Variants in TLR5 observed in about 807,000 individuals in gnomAD.
TLR5 encodes toll-like receptor 5.
For synonymous variants in TLR5, 373 were observed against 384.4 expected (o/e 0.97, Z 0.35); for missense variants, 944 against 999.8 (o/e 0.94, Z 0.75).
At chr1:223,137,991 C>CTGTA (rs1657682702) in intron 2 of TLR5, among the ~76,000 whole-genome samples, 1 of 105,776 alleles carries the variant, frequency 9.5e-6, no homozygotes, top group African/African-American at 3.9e-5. Context: ...CCAGGTCTCA[C>CTGTA]TGTATCACCC....
chr1:223,137,713 T>C (rs2102939629), intron 2 of TLR5, among the ~76,000 whole-genome samples: 1 of 152,266 alleles, frequency 6.6e-6, no homozygotes, highest in East Asian at 1.9e-4. Flanking sequence ...ACAATATGAA[T>C]ATTTATCCAT....
At chr1:223,125,239 A>G (rs927550500) in intron 5 of TLR5, among the ~76,000 whole-genome samples, 42 of 152,212 alleles carry the variant, frequency 2.8e-4, no homozygotes, top group African/African-American at 9.7e-4. Context: ...CAAAACAAGC[A>G]TTATAGCAGC....
In TLR5 at chr1:223,110,828, A is replaced by G; in HGVS notation, c.2204T>C (p.Val735Ala). 5.0e-6 allele frequency: 8 copies of G among 1,614,234 alleles called. No individual in the cohort carries two copies. The highest frequency in any genetic ancestry group is 6.8e-6 in the Non-Finnish European group (8 of 1,180,036). The change falls in exon 6 of 6, where the codon GTC (valine) becomes GCC (alanine). Residue 735 changes from valine (V) to alanine (A), a missense_variant. Physicochemically the swap from Val to Ala is moderately conservative, Grantham distance 64 (BLOSUM62 0). Coordinates refer to ENST00000642603, the MANE Select transcript of TLR5 (RefSeq NM_003268.6). ...FNLCFEERDFVPGENRIANIQ... is the reference protein window; with the variant it reads ...FNLCFEERDFAPGENRIANIQ... ...ATTGGCAATGCGGTTTTCTCCTGGGACAAAGTCTCTTTCTTCAAAGCACAG... is the reference window on the plus strand; with the variant it reads ...ATTGGCAATGCGGTTTTCTCCTGGGGCAAAGTCTCTTTCTTCAAAGCACAG...
chr1:223,142,373 G>A (rs192265778), intron 1 of TLR5, among the ~76,000 whole-genome samples: 12 of 152,300 alleles, frequency 7.9e-5, no homozygotes, highest in African/African-American at 2.9e-4. Flanking sequence ...AGTTCACGGT[G>A]CTGGACGGAT....
chr1:223,142,335 G>A (rs1484314027), intron 1 of TLR5, among the ~76,000 whole-genome samples: 1 of 152,190 alleles, frequency 6.6e-6, no homozygotes, highest in African/African-American at 2.4e-5. Context: ...AGTATCTGAA[G>A]GACACTAGGG....
At chr1:223,142,237 C>G (rs968471609) in intron 1 of TLR5, among the ~76,000 whole-genome samples, 4 of 152,204 alleles carry the variant, frequency 2.6e-5, no homozygotes, top group African/African-American at 9.7e-5. Flanking sequence ...ACCAATGCCT[C>G]TTCCAGGCAC....
chr1:223,110,943 A>G lies in TLR5; in HGVS notation c.2089T>C (p.Leu697=). 6.2e-7 allele frequency: 1 copy of G among 1,614,268 alleles called. No homozygotes were observed. The highest frequency in any genetic ancestry group is 8.5e-7 in the Non-Finnish European group (1 of 1,180,046). ...EPDMYKYDAY[L]CFSSKDFTWV... The stretch of plus-strand genomic sequence containing the variant: ...GTGAAGTCTTTGCTGCTGAAGCACA[A>G]ATAGGCATCATATTTGTACATATCA... Residue 697 remains leucine, a synonymous_variant, in exon 6 of 6, where the codon TTG becomes CTG. Coordinates refer to ENST00000642603, the MANE Select transcript of TLR5 (RefSeq NM_003268.6).
rs745394570 is a variant in TLR5 at position 223,112,250 on chromosome 1, G to A, written c.782C>T (p.Ala261Val). ...AAACCCGGCACCCATGATGTGGTGG[G>A]CAAGAATCAAAGAGAAGGCCTGGCT... ...SKSQAFSLILAHHIMGAGFGF... is the reference protein window; with the variant it reads ...SKSQAFSLILVHHIMGAGFGF... The change falls in exon 6 of 6, where the codon GCC (alanine) becomes GTC (valine). Residue 261 changes from alanine (A) to valine (V), a missense_variant. Transcript: ENST00000642603. 5 of 1,614,160 alleles carry A rather than the reference G, an allele frequency of 3.1e-6. No individual in the cohort carries two copies. The highest frequency in any genetic ancestry group is 4.2e-6 in the Non-Finnish European group (5 of 1,180,020).
At chr1:223,122,028 GA>G (rs1656974193) in intron 5 of TLR5, among the ~76,000 whole-genome samples, 1 of 152,174 alleles carries the variant, frequency 6.6e-6, no homozygotes, top group Non-Finnish European at 1.5e-5. Flanking sequence ...AAAGAAAATA[GA>G]AACCAATCAG....
At chr1:223,123,047 G>C (rs1382288268) in intron 5 of TLR5, among the ~76,000 whole-genome samples, 1 of 152,132 alleles carries the variant, frequency 6.6e-6, no homozygotes, top group Non-Finnish European at 1.5e-5. Context: ...TCAGAAATGA[G>C]GATTTTAAGT....
chr1:223,111,939 T>C lies in TLR5; in HGVS notation c.1093A>G (p.Ile365Val), dbSNP rs1284431436. Reference protein sequence around the residue: ...NFYGLPKVAYIDLQKNHIAII... With the variant: ...NFYGLPKVAYVDLQKNHIAII... ...GCAATGTGATTCTTTTGCAAATCAA[T>C]GTAGGCTACCTTAGGTAGTCCATAG... The change falls in exon 6 of 6, where the codon ATT (isoleucine) becomes GTT (valine). Residue 365 changes from isoleucine to valine, a missense_variant. Coordinates refer to ENST00000642603, the MANE Select transcript of TLR5 (RefSeq NM_003268.6). 2.5e-6 allele frequency: 4 copies of C among 1,614,180 alleles called. No homozygotes were observed. Among genetic ancestry groups the C allele is most frequent in the East Asian group, 4.5e-5 (2 of 44,888 alleles).
At chr1:223,116,172 C>T (rs141260015) in intron 5 of TLR5, among the ~76,000 whole-genome samples, 3 of 152,272 alleles carry the variant, frequency 2.0e-5, no homozygotes, top group African/African-American at 7.2e-5. Context: ...ATACTGTGTC[C>T]GAAATTGGTG....
chr1:223,113,155 T>C, intron 5 of TLR5, 120 bp from the exon 6 acceptor site: 1 of 945,028 alleles, frequency 1.1e-6, no homozygotes, highest in Non-Finnish European at 1.7e-6. Context: ...CCTTCATTCC[T>C]CTGACTCCAC....
intron 5 of TLR5, chr1:223,123,515 A>G (rs898966614): frequency 1.3e-5 from 2 of 152,246 alleles, no homozygotes; most frequent in African/African-American, 4.8e-5. Context: ...TACCACGCAG[A>G]CAGATTTCTT....
chr1:223,116,459 C>T (rs557516972), intron 5 of TLR5, among the ~76,000 whole-genome samples: 4 of 152,232 alleles, frequency 2.6e-5, no homozygotes, highest in African/African-American at 9.6e-5. Context: ...GTCTTGCTGG[C>T]CTCAGGAATT....
chr1:223,133,837 ACC>A (rs1482600706), intron 4 of TLR5, among the ~76,000 whole-genome samples: 2 of 152,128 alleles, frequency 1.3e-5, no homozygotes, highest in Non-Finnish European at 2.9e-5. Flanking sequence ...TTCCCTAGAG[ACC>A]AGCAGAGGGC....
Position 223,112,743 on chromosome 1 carries a change from G to T in TLR5, c.289C>A (p.Leu97Ile), listed in dbSNP as rs1392021680. 6.2e-7 allele frequency: 1 copy of T among 1,614,154 alleles called. No individual in the cohort carries two copies. Among genetic ancestry groups the T allele is most frequent in the Non-Finnish European group, 8.5e-7 (1 of 1,180,012 alleles). ...DKEAFRNLPN[L>I]RILDLGSSKI... ...CTACTTCCCAGGTCCAAGATTCTAA[G>T]GTTGGGCAGGTTTCTGAAGGCCTCC... The change falls in exon 6 of 6, where the codon CTT becomes ATT. Residue 97 changes from leucine to isoleucine, a missense_variant. Physicochemically the swap from Leu to Ile is conservative, Grantham distance 5. Coordinates refer to ENST00000642603, the MANE Select transcript of TLR5 (RefSeq NM_003268.6).
chr1:223,117,559 T>C (rs1656730776), intron 5 of TLR5, among the ~76,000 whole-genome samples: 1 of 39,866 alleles, frequency 2.5e-5, no homozygotes, highest in African/African-American at 1.8e-4. Flanking sequence ...AGCATGGTGT[T>C]CACAAAAAAA....
chr1:223,134,757 T>TGCTACTCA lies in TLR5; in HGVS notation c.-246_-245insTGAGTAGC, dbSNP rs3044336. 11,177 of 152,298 alleles carry TGCTACTCA rather than the reference T, an allele frequency of 0.073. 784 individuals are homozygous for TGCTACTCA. The highest frequency in any genetic ancestry group is 0.18 in the African/African-American group (7,498 of 41,446). The allele number at this position is 152,298 out of a possible 1,614,324, so 9.4% of individuals were successfully genotyped here. On this transcript the variant is annotated 5_prime_UTR_variant, in exon 4 of 6. Transcript: ENST00000642603. Reference sequence around the variant, plus strand: ...CTGAGGCTCCGACATCTTCCCTGGATGCTAAATCCTGTGTATTGATGGGCA... The same window carrying TGCTACTCA: ...CTGAGGCTCCGACATCTTCCCTGGATGCTACTCAGCTAAATCCTGTGTATTGATGGGCA...
Sources: allele counts gnomAD v4.1 joint callset (sites outside exome capture counted in the v4.1 genomes callset), GRCh38; gene constraint gnomAD v4.1.1; transcripts MANE v1.5; gene names NCBI Gene and HGNC (gene_info 2026-07-23, HGNC 2026-07-21).